The following TPPP2 variants were observed in gnomAD, a reference collection of about 807,000 sequenced individuals.
The protein encoded by TPPP2 is tubulin polymerization promoting protein family member 2, also known as tubulin polymerization-promoting protein family member 2.
In TPPP2, 8 loss-of-function variants were observed where a neutral mutation model predicts 13.0. That is an observed-to-expected ratio of 0.62 (90% CI 0.36 to 1.11). The LOEUF (loss-of-function observed/expected upper bound fraction) is 1.11. Among genes scored for constraint, TPPP2 ranks in the 50% most tolerant of loss-of-function variants. The pLI is 0.02. For missense variants in TPPP2, 213 were observed against 216.9 expected (o/e 0.98, Z 0.11); for synonymous variants, 81 against 81.8 (o/e 0.99, Z 0.05).
downstream of TPPP2, chr14:21,034,345 T>C (rs1594485288): frequency 7.8e-7 from 1 of 1,273,958 alleles, no homozygotes; most frequent in Non-Finnish European, 1.1e-6. Context: ...GAAGTGGCTG[T>C]CTGCCACATC....
upstream of TPPP2, among the ~76,000 whole-genome samples, chr14:21,026,402 G>A (rs1883633185): frequency 6.7e-6 from 1 of 150,164 alleles, no homozygotes; most frequent in African/African-American, 2.5e-5. Context: ...AGGCCAGTCA[G>A]GAACAATGGC....
downstream of TPPP2, chr14:21,034,094 AT>A (rs1566490556): frequency 1.2e-6 from 2 of 1,614,176 alleles, no homozygotes; most frequent in Admixed American, 1.7e-5. Context: ...GGCAATCTGA[AT>A]TTTGCATCTT....
chr14:21,027,306 A>G (rs1883756265), upstream of TPPP2, among the ~76,000 whole-genome samples: 1 of 152,256 alleles, frequency 6.6e-6, no homozygotes, highest in Non-Finnish European at 1.5e-5. Context: ...GAGCAGCTTC[A>G]CACTATACCT....
chr14:21,035,823 A>G (rs963077031), downstream of TPPP2: 3 of 456,154 alleles, frequency 6.6e-6, no homozygotes, highest in African/African-American at 6.0e-5. Context: ...AAGAAACCTG[A>G]AAGTGATCCT....
At chr14:21,030,864 G>T in intron 2 of TPPP2, 110 bp downstream of exon 2, 1 of 1,507,202 alleles carries the variant, frequency 6.6e-7, no homozygotes, top group East Asian at 2.3e-5. Flanking sequence ...AGCACCACAG[G>T]GTACCTGGCG....
rs776794936 is a variant in TPPP2 at position 21,031,974 on chromosome 14, GTGGCAA to G, written c.411_416del (p.Ser137_Lys139delinsArg). 1 of 1,614,198 alleles carries G rather than the reference GTGGCAA, an allele frequency of 6.2e-7. No individual in the cohort carries two copies. The highest frequency in any genetic ancestry group is 8.5e-7 in the Non-Finnish European group (1 of 1,180,038). On this transcript the variant is annotated inframe_deletion, in exon 4 of 4. Coordinates refer to ENST00000321760, the MANE Select transcript of TPPP2 (RefSeq NM_173846.5). ...ACCCACAAGGAGCGCTTTGATGAGA[GTGGCAA>G]GGGCAAGGGCATTGCGGGACGGGAA...
At chr14:21,034,390 T>G, downstream of TPPP2, 1 of 815,228 alleles carries the variant, frequency 1.2e-6, no homozygotes, top group Non-Finnish European at 1.9e-6. Context: ...CAACAGTACT[T>G]TAGAGATCAT....
At chr14:21,024,929 C>G (rs956908039) in intron 1 of TPPP2, 2 of 985,520 alleles carry the variant, frequency 2.0e-6, no homozygotes, top group African/African-American at 3.5e-5. Flanking sequence ...GCCCTTTCCC[C>G]CGAGCCTCCA....
At position 21,031,218 on chromosome 14, in the gene TPPP2, C is replaced by G. The variant is rs756100655; in HGVS notation, c.327+53C>G. ...CCTACTTCCCTAAATCCCCATTGTTCCAGTCTACCCTCCCTAACCCTGCCA... is the reference window on the plus strand; with the variant it reads ...CCTACTTCCCTAAATCCCCATTGTTGCAGTCTACCCTCCCTAACCCTGCCA... On this transcript the variant is annotated intron_variant, in intron 3 of 3. Coordinates refer to ENST00000321760, the MANE Select transcript of TPPP2 (RefSeq NM_173846.5). The G allele has an allele frequency of 2.5e-6, 4 of 1,588,578 alleles. No individual in the cohort carries two copies. The South Asian group carries it at 3.5e-5, about 14-fold the overall frequency.
upstream of TPPP2, chr14:21,025,529 T>G (rs886812796): frequency 1.0e-5 from 10 of 985,164 alleles, no homozygotes; most frequent in African/African-American, 1.7e-4. The surrounding 1 kb of genome is among the most constrained non-coding windows in gnomAD (Gnocchi z 5.1). Flanking sequence ...AGAACTAGAT[T>G]AAGAAAGGAG....
intron 1 of TPPP2, chr14:21,024,573 G>A: frequency 1.0e-6 from 1 of 985,468 alleles, no homozygotes; most frequent in Non-Finnish European, 1.2e-6. Context: ...ACAAAGATTG[G>A]TGCCGTCGCT....
chr14:21,024,925 TC>T, intron 1 of TPPP2: 1 of 985,428 alleles, frequency 1.0e-6, no homozygotes, highest in Non-Finnish European at 1.2e-6. Flanking sequence ...GCTGGCCCTT[TC>T]CCCCGAGCCT....
chr14:21,032,766 C>T lies in TPPP2; in HGVS notation c.*689C>T. The T allele has an allele frequency of 2.7e-6, 1 of 366,054 alleles. No homozygotes were observed. Among genetic ancestry groups the T allele is most frequent in the East Asian group, 7.5e-5 (1 of 13,294 alleles). 22.7% of individuals were successfully genotyped at this position (366,054 alleles called of 1,614,324 possible). On this transcript the variant is annotated 3_prime_UTR_variant, in exon 4 of 4. Transcript: ENST00000321760. ...AGGCAGGCTGCCAGGATTCCAAGAG[C>T]AGGAGTTCTGGTGCACTGAAGAAAA...
At chr14:21,028,148 C>T (rs1883819904), upstream of TPPP2, among the ~76,000 whole-genome samples, 1 of 152,214 alleles carries the variant, frequency 6.6e-6, no homozygotes, top group African/African-American at 2.4e-5. Context: ...GCTCCTTCCA[C>T]TCCCAAGTAG....
chr14:21,033,688 C>T, downstream of TPPP2: 1 of 703,908 alleles, frequency 1.4e-6, no homozygotes, highest in East Asian at 2.6e-5. Context: ...ATTTTCGCAC[C>T]CACCTGGTCT....
downstream of TPPP2, chr14:21,036,189 A>C: frequency 2.2e-6 from 1 of 456,264 alleles, no homozygotes. Context: ...TTTCTTCCTC[A>C]GTGGATGCTC....
At chr14:21,033,684 G>A (rs116165621), downstream of TPPP2, 1,535 of 689,356 alleles carry the variant, frequency 2.2e-3, 19 homozygotes, top group African/African-American at 0.025. Context: ...GGACATTTTC[G>A]CACCCACCTG....
In TPPP2 at chr14:21,030,558, G is replaced by T; in HGVS notation, c.-24G>T. The T allele has an allele frequency of 6.2e-7, 1 of 1,608,620 alleles. No individual in the cohort carries two copies. Among genetic ancestry groups the T allele is most frequent in the Non-Finnish European group, 8.5e-7 (1 of 1,177,008 alleles). On this transcript the variant is annotated 5_prime_UTR_variant, in exon 2 of 4. Coordinates refer to ENST00000321760, the MANE Select transcript of TPPP2 (RefSeq NM_173846.5). ...TCACCCCCAAGTGTCTCCCACGACT[G>T]CCCTCCCCGACCTCTAGCTGACCAT...
In TPPP2 at chr14:21,025,181, C is replaced by T; in HGVS notation, n.236+837C>T. ...CGCCCCAGACCCCCAGTAAACACGC[C>T]CCCCCTTTCACCCCGCCCAGACTGC... On this transcript the variant is annotated intron_variant and non_coding_transcript_variant, in intron 1 of 1. Coordinates refer to the TPPP2 transcript ENST00000533755. The surrounding 1 kb of genome is among the most constrained non-coding windows in gnomAD (Gnocchi z 5.1). 5 of 900,958 alleles carry T rather than the reference C, an allele frequency of 5.5e-6. No homozygotes were observed. The highest frequency in any genetic ancestry group is 6.6e-6 in the Non-Finnish European group (5 of 752,730). The allele number at this position is 900,958 out of a possible 1,614,324, so 55.8% of individuals were successfully genotyped here.
Sources: allele counts gnomAD v4.1 joint callset (sites outside exome capture counted in the v4.1 genomes callset), GRCh38; gene constraint gnomAD v4.1.1; non-coding constraint Gnocchi (gnomAD v3.1); transcripts MANE v1.5; gene names NCBI Gene and HGNC (gene_info 2026-07-23, HGNC 2026-07-21).